GAB4: variants seen among roughly 807,000 people sequenced by gnomAD.
The protein encoded by GAB4 is GRB2 associated binding protein family member 4, also known as GRB2-associated-binding protein 4.
Under a neutral mutation model 51.3 loss-of-function variants are expected in GAB4, and 26 were observed. The ratio of observed to expected loss-of-function variants is 0.51; its 90% CI spans 0.37 to 0.70. GAB4 has a LOEUF of 0.70. GAB4 is among the 30% of genes least tolerant of loss of function. The probability of loss-of-function intolerance (pLI) is 0.00; values close to 1 mark genes in which losing one functional copy is unlikely to be tolerated. For missense variants in GAB4, 759 were observed against 734.6 expected, an observed-to-expected ratio of 1.03 and a Z score of -0.38; for synonymous variants, 329 against 291.2, an observed-to-expected ratio of 1.13 and a Z score of -1.32.
At chr22:16,987,317 C>T (rs776027241) in intron 3 of GAB4, among the ~76,000 whole-genome samples, 8 of 152,188 alleles carry the variant, frequency 5.3e-5, no homozygotes, top group Non-Finnish European at 1.0e-4. Flanking sequence ...AAAACTGGTG[C>T]AGGCCCTGCC....
At chr22:16,973,183 G>A (rs946013611) in intron 3 of GAB4, among the ~76,000 whole-genome samples, 3 of 152,166 alleles carry the variant, frequency 2.0e-5, no homozygotes, top group African/African-American at 7.2e-5. Flanking sequence ...TGGAGCAGCA[G>A]CAAATTGCTA....
chr22:16,980,687 A>G (rs1242935039), intron 3 of GAB4, among the ~76,000 whole-genome samples: 2 of 152,196 alleles, frequency 1.3e-5, no homozygotes, highest in Non-Finnish European at 1.5e-5. Context: ...AAATCATTCT[A>G]CTATAAAGAC....
intron 5 of GAB4, among the ~76,000 whole-genome samples, chr22:16,968,047 C>T (rs1407657464): frequency 6.6e-6 from 1 of 152,200 alleles, no homozygotes; most frequent in East Asian, 1.9e-4. Context: ...GCATTCTGCA[C>T]CCTCTGCTAC....
At chr22:16,978,880 C>T (rs779919136) in intron 3 of GAB4, among the ~76,000 whole-genome samples, 4 of 152,030 alleles carry the variant, frequency 2.6e-5, no homozygotes, top group South Asian at 2.1e-4. Flanking sequence ...GTTCAACATA[C>T]GAAAATCAAT....
Position 17,008,193 on chromosome 22 carries a change from G to T in GAB4, c.-79C>A, listed in dbSNP as rs1439124461. The T allele has an allele frequency of 4.9e-6, 5 of 1,030,536 alleles. No individual in the cohort carries two copies. The African/African-American group carries it at 7.9e-5, about 16-fold the overall frequency. 63.8% of individuals were successfully genotyped at this position (1,030,536 alleles called of 1,614,324 possible). A position where few individuals can be genotyped will look rare whatever the true frequency, so the allele number is the denominator to read the frequency against. ...GGAGGTGGGGTGTGAGGGACGGCTT[G>T]CGATACCCTGGGACTGCGGGGTAGA... is the stretch of plus-strand genomic sequence containing the variant. On this transcript the variant is annotated 5_prime_UTR_variant, in exon 1 of 10. Transcript: ENST00000400588.
chr22:17,002,509 G>A (rs1056395158), intron 1 of GAB4, among the ~76,000 whole-genome samples: 11 of 151,924 alleles, frequency 7.2e-5, no homozygotes, highest in African/African-American at 1.7e-4. Context: ...AAAGACCACC[G>A]ACAGGATGAA....
intron 8 of GAB4, 43 bp downstream of exon 8, chr22:16,964,723 G>T: frequency 7.1e-7 from 1 of 1,401,274 alleles, no homozygotes; most frequent in South Asian, 1.2e-5. Context: ...GTGGGTCCCA[G>T]GGGACTCTGA....
chr22:16,970,157 G>T lies in GAB4; in HGVS notation c.723C>A (p.Phe241Leu), dbSNP rs1291771381. 6.2e-7 allele frequency: 1 copy of T among 1,614,008 alleles called. No homozygotes were observed. The highest frequency in any genetic ancestry group is 1.7e-5 in the Admixed American group (1 of 60,002). Residue 241 changes from phenylalanine to leucine, a missense_variant, in exon 4 of 10, where the codon TTC becomes TTA. Phe to Leu is a conservative substitution (Grantham distance 22). This residue lies in a region of GAB4 where 588 missense variants were observed against 510.2 expected (regional missense o/e 1.15). Transcript: ENST00000400588. ...ASFSQGSEAP[F>L]IMRRNTAMQN... ...GCATGGCTGTGTTTCTCCTCATGAT[G>T]AATGGGGCCTCAGAACCCTGGGAGA...
chr22:16,970,144 T>C lies in GAB4; in HGVS notation c.736A>G (p.Asn246Asp), dbSNP rs182474478. ...TGGGCAAGATTTTGCATGGCTGTGTTTCTCCTCATGATGAATGGGGCCTCA... is the reference window on the plus strand; with the variant it reads ...TGGGCAAGATTTTGCATGGCTGTGTCTCTCCTCATGATGAATGGGGCCTCA... ...GSEAPFIMRR[N>D]TAMQNLAQHS... The change falls in exon 4 of 10, where the codon AAC (asparagine) becomes GAC (aspartate). Residue 246 changes from asparagine to aspartate, a missense_variant. By Grantham distance (23) the Asn-to-Asp change is conservative. Around this residue, in one of 3 missense-constraint regions of GAB4, gnomAD observed 588 missense variants for 510.2 expected, o/e 1.15. Coordinates refer to ENST00000400588, the MANE Select transcript of GAB4 (RefSeq NM_001037814.1). 3 of 1,614,134 alleles carry C rather than the reference T, an allele frequency of 1.9e-6. No individual in the cohort carries two copies. In the Admixed American group the frequency reaches 5.0e-5, roughly 27 times the overall value.
intron 3 of GAB4, among the ~76,000 whole-genome samples, chr22:16,974,343 A>G (rs1402381348): frequency 2.0e-5 from 3 of 152,234 alleles, no homozygotes; most frequent in Non-Finnish European, 4.4e-5. Context: ...AATCTTCCTA[A>G]TAGGTCTGAG....
chr22:16,980,949 G>A (rs569543606), intron 3 of GAB4, among the ~76,000 whole-genome samples: 1 of 152,060 alleles, frequency 6.6e-6, no homozygotes, highest in South Asian at 2.1e-4. Flanking sequence ...TAAGTAGGAG[G>A]TGAACAATGA....
chr22:16,985,391 A>G (rs1273590151), intron 3 of GAB4, among the ~76,000 whole-genome samples: 1 of 152,214 alleles, frequency 6.6e-6, no homozygotes, highest in Non-Finnish European at 1.5e-5. Flanking sequence ...AATATCTGGG[A>G]TCTGTTCTAG....
rs111775160 is a variant in GAB4 at position 16,966,260 on chromosome 22, G to A, written c.1128C>T (p.Gly376=). The change falls in exon 6 of 10, where the codon GGC becomes GGT. Residue 376 remains glycine (G), a synonymous_variant. Coordinates refer to ENST00000400588, the MANE Select transcript of GAB4 (RefSeq NM_001037814.1). The stretch of plus-strand genomic sequence containing the variant: ...GGATGCAGACACCCTGGGAATCATC[G>A]CCTGCTTGCTTCACAGCCGGCAGGG... The part of the protein sequence containing the change: ...SPTLPAVKQA[G]DDSQGVCIPV... The A allele has an allele frequency of 6.2e-5, 100 of 1,613,954 alleles. 2 individuals carry two copies. The highest frequency in any genetic ancestry group is 6.1e-4 in the African/African-American group (46 of 75,018).
intron 1 of GAB4, among the ~76,000 whole-genome samples, chr22:17,002,274 G>A (rs1380866240): frequency 6.6e-6 from 1 of 151,854 alleles, no homozygotes; most frequent in Non-Finnish European, 1.5e-5. Context: ...TGGCCATCTT[G>A]GAACCTCCGT....
At chr22:16,970,875 T>C (rs187894036) in intron 3 of GAB4, among the ~76,000 whole-genome samples, 1 of 152,288 alleles carries the variant, frequency 6.6e-6, no homozygotes, top group Non-Finnish European at 1.5e-5. Context: ...AAAAATGGTT[T>C]CCTGTTTGGC....
chr22:16,970,223 G>C (rs767290234), intron 3 of GAB4, 30 bp from the exon 4 acceptor site: 17 of 1,612,314 alleles, frequency 1.1e-5, no homozygotes, highest in Non-Finnish European at 1.4e-5. Flanking sequence ...GAAGGGGCAG[G>C]GGTGAGAGGA....
At position 16,966,194 on chromosome 22, in the gene GAB4, G is replaced by T. The variant is rs747751392; in HGVS notation, c.1194C>A (p.Ser398=). The T allele has an allele frequency of 1.2e-6, 2 of 1,614,084 alleles. No homozygotes were observed. The highest frequency in any genetic ancestry group is 3.3e-5 in the Admixed American group (2 of 60,018). The change falls in exon 6 of 10, where the codon TCC becomes TCA. Residue 398 remains serine, a synonymous_variant. Coordinates refer to ENST00000400588, the MANE Select transcript of GAB4 (RefSeq NM_001037814.1). The part of the protein sequence containing the change: ...SCLVRFDLLG[S]PLTELSMHQD... Reference sequence around the variant, plus strand: ...GGTGCATAGAAAGCTCTGTGAGTGGGGAGCCAAGCAGGTCAAAGCGAACAA... The same window carrying T: ...GGTGCATAGAAAGCTCTGTGAGTGGTGAGCCAAGCAGGTCAAAGCGAACAA...
chr22:16,996,365 C>G (rs1454382370), intron 1 of GAB4, among the ~76,000 whole-genome samples: 1 of 151,946 alleles, frequency 6.6e-6, no homozygotes, highest in Non-Finnish European at 1.5e-5. Flanking sequence ...GAGAATGGAA[C>G]CAAATTGGAA....
At chr22:16,983,571 C>A (rs969540791) in intron 3 of GAB4, among the ~76,000 whole-genome samples, 2 of 152,112 alleles carry the variant, frequency 1.3e-5, no homozygotes, top group African/African-American at 4.8e-5. Context: ...AAGCTATAAC[C>A]AAAACAGCAT....
Sources: allele counts gnomAD v4.1 joint callset (sites outside exome capture counted in the v4.1 genomes callset), GRCh38; gene constraint gnomAD v4.1.1; regional missense constraint gnomAD v4.1.1; transcripts MANE v1.5; gene names NCBI Gene and HGNC (gene_info 2026-07-23, HGNC 2026-07-21).